Variants in SLC10A7 observed in about 807,000 individuals in gnomAD.
SLC10A7 encodes solute carrier family 10 member 7.
Under a neutral mutation model 43.2 loss-of-function variants are expected in SLC10A7, and 29 were observed. The observed-to-expected ratio is 0.67, with a 90% CI of 0.50 to 0.92. The LOEUF is 0.92. Ranked by LOEUF, SLC10A7 falls within the 40% of genes least tolerant of loss-of-function variation. The probability of loss-of-function intolerance (pLI) is 0.00; values close to 1 mark genes in which losing one functional copy is unlikely to be tolerated. For missense variants in SLC10A7, 295 were observed against 403.2 expected (o/e 0.73, Z 2.30); for synonymous variants, 152 against 144.8 (o/e 1.05, Z -0.35).
intron 2 of SLC10A7, chr4:146,515,182 T>C (rs755954600): frequency 1.1e-5 from 8 of 702,168 alleles, no homozygotes; most frequent in South Asian, 1.0e-4. Context: ...AGTTGCTTTC[T>C]GGATTTCCCA....
intron 4 of SLC10A7, among the ~76,000 whole-genome samples, chr4:146,491,864 G>A (rs1298374712): frequency 6.6e-6 from 1 of 152,158 alleles, no homozygotes; most frequent in Non-Finnish European, 1.5e-5. Flanking sequence ...TCTTGGCCAT[G>A]AATAATCTGC....
chr4:146,329,838 AT>A (rs1398838755), intron 5 of SLC10A7, among the ~76,000 whole-genome samples: 1 of 152,208 alleles, frequency 6.6e-6, no homozygotes, highest in Non-Finnish European at 1.5e-5. Context: ...TTAAATAAAC[AT>A]GTTATTTTCT....
At chr4:146,345,368 C>T (rs1322770670) in intron 5 of SLC10A7, among the ~76,000 whole-genome samples, 1 of 152,160 alleles carries the variant, frequency 6.6e-6, no homozygotes, top group Non-Finnish European at 1.5e-5. Flanking sequence ...TGCAATCCTT[C>T]ATTAGTTTCC....
chr4:146,457,118 C>T (rs1437708413), intron 4 of SLC10A7, among the ~76,000 whole-genome samples: 1 of 151,808 alleles, frequency 6.6e-6, no homozygotes, highest in East Asian at 1.9e-4. Flanking sequence ...GGCTGTGTTC[C>T]AATAAAACTT....
At position 146,513,616 on chromosome 4, in the gene SLC10A7, C is replaced by A. The variant is rs183652542; in HGVS notation, c.183+3422G>T. On this transcript the variant is annotated intron_variant, in intron 2 of 11. Transcript: ENST00000335472. ...ATCAGAATGATGGTACAGTAAAGAA[C>A]CCAGCAAAACAAGTCACAACAACCA... 6.3e-4 allele frequency among the ~76,000 whole-genome samples: 96 copies of A among 152,236 alleles called. 1 individual carries two copies. The highest frequency in any genetic ancestry group is 8.8e-5 in the Non-Finnish European group (6 of 68,004).
At chr4:146,275,861 G>A (rs1648082899) in intron 10 of SLC10A7, among the ~76,000 whole-genome samples, 1 of 151,492 alleles carries the variant, frequency 6.6e-6, no homozygotes, top group Non-Finnish European at 1.5e-5. Flanking sequence ...TAAAATGGCA[G>A]TCTCAGCTTG....
chr4:146,268,345 A>T (rs917772069), intron 10 of SLC10A7, among the ~76,000 whole-genome samples: 1 of 152,186 alleles, frequency 6.6e-6, no homozygotes, highest in Non-Finnish European at 1.5e-5. Context: ...GGCCTGGAAA[A>T]GGAGGAAAAT....
At chr4:146,486,132 A>C (rs1020539094) in intron 4 of SLC10A7, among the ~76,000 whole-genome samples, 5 of 152,224 alleles carry the variant, frequency 3.3e-5, no homozygotes, top group African/African-American at 1.2e-4. Flanking sequence ...GGTGAAACAT[A>C]TCACAACTCC....
chr4:146,441,656 G>A lies in SLC10A7; in HGVS notation c.435+1127C>T, dbSNP rs931872778. ...TTACTGAGTCTAAACTAAGCAATCC[G>A]AGAGATTATTTTTGTTAAACAGACT... On this transcript the variant is annotated intron_variant, in intron 5 of 11. Transcript: ENST00000335472. 2.2e-5 allele frequency: 21 copies of A among 975,778 alleles called. No individual in the cohort carries two copies. The African/African-American group carries it at 2.8e-4, about 13-fold the overall frequency. The allele number at this position is 975,778 out of a possible 1,614,324, so 60.4% of individuals were successfully genotyped here. A position where few individuals can be genotyped will look rare whatever the true frequency, so the allele number is the denominator to read the frequency against.
intron 1 of SLC10A7, among the ~76,000 whole-genome samples, chr4:146,519,733 C>T (rs1314019491): frequency 1.3e-5 from 2 of 152,144 alleles, no homozygotes; most frequent in Non-Finnish European, 2.9e-5. Flanking sequence ...ACCCTGGTCT[C>T]CAATAGTTCC....
chr4:146,439,865 T>C (rs1371190996), intron 5 of SLC10A7, among the ~76,000 whole-genome samples: 1 of 152,250 alleles, frequency 6.6e-6, no homozygotes, highest in Admixed American at 6.5e-5. Context: ...AATTCACAAA[T>C]AGCTGTAACA....
Position 146,457,344 on chromosome 4 carries a change from G to A in SLC10A7, c.397-14523C>T, listed in dbSNP as rs149859306. Among the ~76,000 whole-genome samples the A allele has an allele frequency of 4.4e-3, 666 of 151,830 alleles. 2 individuals are homozygous for A. The highest frequency in any genetic ancestry group is 0.015 in the African/African-American group (617 of 41,444). ...GTAATAATCACATCATATAAAATGG[G>A]TATCCATCTCCTCAAGCATCCATCC... On this transcript the variant is annotated intron_variant, in intron 4 of 11. Transcript: ENST00000335472.
chr4:146,304,693 G>T (rs948025259), intron 7 of SLC10A7, among the ~76,000 whole-genome samples: 4 of 152,116 alleles, frequency 2.6e-5, no homozygotes, highest in Non-Finnish European at 5.9e-5. Context: ...TTTGGAATAG[G>T]TGTGGTGTGG....
intron 2 of SLC10A7, among the ~76,000 whole-genome samples, chr4:146,512,088 C>T (rs1737536730): frequency 6.6e-6 from 1 of 150,970 alleles, no homozygotes; most frequent in Admixed American, 6.6e-5. Flanking sequence ...ATTCTCCTGC[C>T]TCCACCTCCC....
intron 4 of SLC10A7, among the ~76,000 whole-genome samples, chr4:146,463,932 C>T (rs2149944077): frequency 6.6e-6 from 1 of 151,310 alleles, no homozygotes; most frequent in East Asian, 2.0e-4. Flanking sequence ...CAGACCATCT[C>T]CCACCTCAGC....
At chr4:146,383,658 C>G (rs767224288) in intron 5 of SLC10A7, among the ~76,000 whole-genome samples, 4 of 152,070 alleles carry the variant, frequency 2.6e-5, no homozygotes, top group Non-Finnish European at 5.9e-5. Context: ...TTCAAACTTC[C>G]AACAGCCTGG....
chr4:146,453,044 T>C (rs1048536566), intron 4 of SLC10A7, among the ~76,000 whole-genome samples: 6 of 151,724 alleles, frequency 4.0e-5, no homozygotes, highest in Non-Finnish European at 7.4e-5. Context: ...TGTATATATA[T>C]ATATATAAAT....
chr4:146,269,528 C>T (rs1175569766), intron 10 of SLC10A7, among the ~76,000 whole-genome samples: 1 of 152,174 alleles, frequency 6.6e-6, no homozygotes, highest in Admixed American at 6.5e-5. Context: ...TTCACACTCA[C>T]AGGATGTGAA....
At chr4:146,256,683 T>C in intron 11 of SLC10A7, 163 bp from the exon 12 acceptor site, 1 of 984,000 alleles carries the variant, frequency 1.0e-6, no homozygotes, top group East Asian at 2.6e-5. Context: ...CAGATTTCCC[T>C]GCCCACCTCT....
Sources: allele counts gnomAD v4.1 joint callset (sites outside exome capture counted in the v4.1 genomes callset), GRCh38; gene constraint gnomAD v4.1.1; transcripts MANE v1.5; gene names NCBI Gene and HGNC (gene_info 2026-07-23, HGNC 2026-07-21).